KLHL29: variants seen among roughly 807,000 people sequenced by gnomAD.
KLHL29 encodes the protein kelch-like protein 29.
KLHL29 carries 21 observed loss-of-function variants against 80.4 expected under a neutral mutation model. The observed-to-expected ratio is 0.26, with a 90% CI of 0.19 to 0.38. The LOEUF (loss-of-function observed/expected upper bound fraction) is 0.38. Ranked by LOEUF, KLHL29 falls within the 10% of genes least tolerant of loss-of-function variation. KLHL29 has a pLI of 1.00. For missense variants in KLHL29, 867 were observed against 1,223.9 expected (o/e 0.71, Z 4.35); for synonymous variants, 511 against 526.8 (o/e 0.97, Z 0.41).
rs541516472 is a variant in KLHL29 at position 23,457,313 on chromosome 2, A to G, written c.-153-18247A>G. 6.6e-6 allele frequency among the ~76,000 whole-genome samples: 1 copy of G among 152,328 alleles called. No homozygotes were observed. Among genetic ancestry groups the G allele is most frequent in the East Asian group, 1.9e-4 (1 of 5,176 alleles). On this transcript the variant is annotated intron_variant, in intron 1 of 13. Coordinates refer to ENST00000486442, the MANE Select transcript of KLHL29 (RefSeq NM_052920.2). This position sits in a 1 kb window ranked among gnomAD's most constrained non-coding sequence, Gnocchi z 4.3. ...CTTTGGAGTCTGGAATGACTAAGGC[A>G]GGCCTTTCCTGTGAGAAGTGGTGGC... is the stretch of plus-strand genomic sequence containing the variant.
chr2:23,532,482 G>C, intron 2 of KLHL29: 1 of 438,286 alleles, frequency 2.3e-6, no homozygotes, highest in Non-Finnish European at 4.6e-6. Context: ...GCGGCACCCA[G>C]GCCCCTGCTA....
At chr2:23,522,790 C>T (rs559749638) in intron 2 of KLHL29, among the ~76,000 whole-genome samples, 25 of 152,188 alleles carry the variant, frequency 1.6e-4, no homozygotes, top group Non-Finnish European at 3.2e-4. Flanking sequence ...CTCTCTAAAG[C>T]CATCTACCAC....
intron 5 of KLHL29, among the ~76,000 whole-genome samples, chr2:23,679,422 G>A (rs1671013749): frequency 6.6e-6 from 1 of 152,174 alleles, no homozygotes; most frequent in Non-Finnish European, 1.5e-5. Flanking sequence ...GGTGCCAGGG[G>A]TCCCTGGAGA....
At position 23,522,599 on chromosome 2, in the gene KLHL29, A is replaced by C. The variant is rs142005600; in HGVS notation, c.-45-39553A>C. ...AAAGCTTTTTGCAGGTTGGAGAGTC[A>C]TCAGGTGGGGTGGGAAGGTGAGGCG... On this transcript the variant is annotated intron_variant, in intron 2 of 13. Transcript: ENST00000486442. 1.2e-3 allele frequency among the ~76,000 whole-genome samples: 175 copies of C among 151,816 alleles called. 1 individual carries two copies. Among genetic ancestry groups the C allele is most frequent in the African/African-American group, 4.0e-3 (167 of 41,404 alleles).
At chr2:23,429,595 A>C (rs995067365) in intron 1 of KLHL29, among the ~76,000 whole-genome samples, 3 of 152,120 alleles carry the variant, frequency 2.0e-5, no homozygotes, top group African/African-American at 4.8e-5. Flanking sequence ...TCTACTAAAA[A>C]TACAAAAATT....
At chr2:23,635,495 G>A (rs577711388) in intron 3 of KLHL29, among the ~76,000 whole-genome samples, 5 of 152,314 alleles carry the variant, frequency 3.3e-5, no homozygotes, top group South Asian at 2.1e-4. Context: ...CCCCCTCTGC[G>A]CTGCCTCACG....
chr2:23,628,154 C>T (rs1212564043), intron 3 of KLHL29, among the ~76,000 whole-genome samples: 1 of 152,110 alleles, frequency 6.6e-6, no homozygotes, highest in East Asian at 1.9e-4. Flanking sequence ...TCGTGATCCA[C>T]CCGCATTGGC....
chr2:23,561,023 C>T (rs1421394201), intron 2 of KLHL29, among the ~76,000 whole-genome samples: 1 of 152,224 alleles, frequency 6.6e-6, no homozygotes, highest in Non-Finnish European at 1.5e-5. Flanking sequence ...TCCGGGGACT[C>T]ACCCCCAGAC....
chr2:23,682,478 T>G lies in KLHL29; in HGVS notation c.941-1921T>G, dbSNP rs147533469. Among the ~76,000 whole-genome samples the G allele has an allele frequency of 2.3e-3, 345 of 152,306 alleles. 2 individuals carry two copies. The highest frequency in any genetic ancestry group is 8.1e-3 in the African/African-American group (336 of 41,562). ...CAAGCCACTCCCCATCCTGCCTCTGTGTGGATTTGTCTGAAACCCAAGTCT... is the reference window on the plus strand; with the variant it reads ...CAAGCCACTCCCCATCCTGCCTCTGGGTGGATTTGTCTGAAACCCAAGTCT... On this transcript the variant is annotated intron_variant, in intron 5 of 13. Transcript: ENST00000486442. This position sits in a 1 kb window ranked among gnomAD's most constrained non-coding sequence, Gnocchi z 4.1.
At chr2:23,614,620 A>G (rs558406350) in intron 3 of KLHL29, among the ~76,000 whole-genome samples, 23 of 152,366 alleles carry the variant, frequency 1.5e-4, no homozygotes, top group African/African-American at 5.1e-4. Context: ...CTTCAGAATC[A>G]CACACATAAT....
At chr2:23,492,909 G>A (rs564295208) in intron 2 of KLHL29, among the ~76,000 whole-genome samples, 1 of 152,112 alleles carries the variant, frequency 6.6e-6, no homozygotes, top group Non-Finnish European at 1.5e-5. Context: ...GGAAAGGCAC[G>A]GGTGTCTGAG....
intron 1 of KLHL29, among the ~76,000 whole-genome samples, chr2:23,416,337 C>G (rs1241516428): frequency 6.6e-6 from 1 of 152,192 alleles, no homozygotes; most frequent in Non-Finnish European, 1.5e-5. Flanking sequence ...GGCATTTTCC[C>G]TCTTTGTCTC....
intron 2 of KLHL29, among the ~76,000 whole-genome samples, chr2:23,526,293 G>T (rs1286986281): frequency 6.6e-5 from 10 of 151,694 alleles, no homozygotes; most frequent in Admixed American, 6.6e-4. Flanking sequence ...TCACAGGGGA[G>T]GGGAAACCAG....
At position 23,703,348 on chromosome 2, in the gene KLHL29, C is replaced by A; in HGVS notation, c.2268C>A (p.Asn756Lys). The A allele has an allele frequency of 6.5e-7, 1 of 1,528,494 alleles. No homozygotes were observed. The highest frequency in any genetic ancestry group is 8.8e-7 in the Non-Finnish European group (1 of 1,138,174). The allele number at this position is 1,528,494 out of a possible 1,614,324, so 94.7% of individuals were successfully genotyped here. ...GVLQSYVPQT[N>K]TWSFIESPMI... ...TCCAGTCTTACGTTCCTCAGACCAA[C>A]ACGTGGAGCTTCATCGAGTCCCCAA... is the stretch of plus-strand genomic sequence containing the variant. The change falls in exon 12 of 14, where the codon AAC (asparagine) becomes AAA (lysine). Residue 756 changes from asparagine (N) to lysine (K), a missense_variant. Coordinates refer to ENST00000486442, the MANE Select transcript of KLHL29 (RefSeq NM_052920.2).
chr2:23,702,702 C>T (rs529821960), intron 11 of KLHL29, among the ~76,000 whole-genome samples: 1 of 152,346 alleles, frequency 6.6e-6, no homozygotes, highest in South Asian at 2.1e-4. Context: ...TCAGACCACT[C>T]AGCATCCTGC....
chr2:23,386,952 G>A (rs567814700), intron 1 of KLHL29, among the ~76,000 whole-genome samples: 275 of 152,262 alleles, frequency 1.8e-3, no homozygotes, highest in African/African-American at 6.4e-3. Context: ...GCCAGTTGTC[G>A]TCCCTGGGCT....
Position 23,706,982 on chromosome 2 carries a change from T to G in KLHL29, c.*318T>G, listed in dbSNP as rs1425448407. On this transcript the variant is annotated 3_prime_UTR_variant, in exon 14 of 14. Coordinates refer to ENST00000486442, the MANE Select transcript of KLHL29 (RefSeq NM_052920.2). ...CAACTGGGAGAGAGAAGCTGTTTTTTCCTTCCTGCAGAGCAAGCTTGATCC... is the reference window on the plus strand; with the variant it reads ...CAACTGGGAGAGAGAAGCTGTTTTTGCCTTCCTGCAGAGCAAGCTTGATCC... 1 of 237,652 alleles carries G rather than the reference T, an allele frequency of 4.2e-6. No homozygotes were observed. Among genetic ancestry groups the G allele is most frequent in the African/African-American group, 2.3e-5 (1 of 44,344 alleles). 14.7% of individuals were successfully genotyped at this position (237,652 alleles called of 1,614,324 possible). A position where few individuals can be genotyped will look rare whatever the true frequency, so the allele number is the denominator to read the frequency against.
chr2:23,402,816 CTTAA>C (rs974551157), intron 1 of KLHL29, among the ~76,000 whole-genome samples: 25 of 152,014 alleles, frequency 1.6e-4, no homozygotes, highest in Admixed American at 1.0e-3. Flanking sequence ...AATAAGGAAA[CTTAA>C]TTAATACATG....
At chr2:23,660,186 C>A (rs1185822362) in intron 5 of KLHL29, among the ~76,000 whole-genome samples, 1 of 152,166 alleles carries the variant, frequency 6.6e-6, no homozygotes, top group East Asian at 1.9e-4. Context: ...GTCTTGGGGT[C>A]ATGGCCTGGG....
Sources: gnomAD v4.1 joint callset for allele counts (sites outside exome capture counted in the v4.1 genomes callset) on GRCh38, gnomAD v4.1.1 for gene constraint, Gnocchi (gnomAD v3.1) non-coding constraint, MANE v1.5 for transcripts, NCBI Gene and HGNC (gene_info 2026-07-23, HGNC 2026-07-21) for gene names.